The following NFIB variants were observed in gnomAD, a reference collection of about 807,000 sequenced individuals.
The protein encoded by NFIB is nuclear factor I B, also known as nuclear factor 1 B-type.
A neutral mutation model predicts 61.5 loss-of-function variants in NFIB; 11 were observed. The ratio of observed to expected loss-of-function variants is 0.18; its 90% CI spans 0.11 to 0.30. The LOEUF (loss-of-function observed/expected upper bound fraction) is 0.30. Among genes scored for constraint, NFIB ranks in the 10% least tolerant of loss-of-function variants. NFIB has a pLI of 1.00. For synonymous variants in NFIB, 260 were observed against 216.5 expected (o/e 1.20, Z -1.76); for missense variants, 471 against 608.9 (o/e 0.77, Z 2.38).
At chr9:14,417,547 G>T in the NFIB span, among the ~76,000 whole-genome samples, 17 of 152,168 alleles carry the variant, frequency 1.1e-4, no homozygotes, top group Admixed American at 2.0e-4. Flanking sequence ...TGGGCTGGAA[G>T]ACCTTCCCCT....
intron 1 of NFIB, among the ~76,000 whole-genome samples, chr9:14,394,459 G>A (rs1419960257): frequency 6.6e-6 from 1 of 152,186 alleles, no homozygotes; most frequent in Non-Finnish European, 1.5e-5. Flanking sequence ...CAAAAGAGAA[G>A]CAAAGGCATG....
At chr9:14,463,489 A>G in the NFIB span, among the ~76,000 whole-genome samples, 1 of 151,990 alleles carries the variant, frequency 6.6e-6, no homozygotes, top group Non-Finnish European at 1.5e-5. Flanking sequence ...TCTGTCACCC[A>G]TCAATGTCAG....
At chr9:14,323,038 T>G (rs2132827585) in intron 1 of NFIB, among the ~76,000 whole-genome samples, 1 of 152,354 alleles carries the variant, frequency 6.6e-6, no homozygotes, top group African/African-American at 2.4e-5. Flanking sequence ...TGCTGTTACT[T>G]CCTCACTTCC....
At position 14,211,480 on chromosome 9, in the gene NFIB, C is replaced by G. The variant is rs757036438; in HGVS notation, c.563-31700G>C. ...CTACTCACTTTAAAATGACACTGTG[C>G]TGAAAAATAATGAGAATAGATAAAA... On this transcript the variant is annotated intron_variant, in intron 2 of 10. Coordinates refer to ENST00000380953, the MANE Select transcript of NFIB (RefSeq NM_001190737.2). Among the ~76,000 whole-genome samples the G allele has an allele frequency of 8.2e-4, 125 of 152,134 alleles. 1 individual carries two copies. The highest frequency in any genetic ancestry group is 4.1e-4 in the Non-Finnish European group (28 of 68,030).
At chr9:14,282,207 C>T (rs545740322) in intron 2 of NFIB, among the ~76,000 whole-genome samples, 1 of 152,222 alleles carries the variant, frequency 6.6e-6, no homozygotes, top group South Asian at 2.1e-4. Flanking sequence ...TTTCAGTAAC[C>T]ATTCAACTAT....
chr9:14,217,754 T>C (rs1337456841), intron 2 of NFIB, among the ~76,000 whole-genome samples: 2 of 151,534 alleles, frequency 1.3e-5, no homozygotes, highest in Non-Finnish European at 2.9e-5. Context: ...CAAACACTCA[T>C]ATTGCTAATT....
chr9:14,431,188 C>A, the NFIB span, among the ~76,000 whole-genome samples: 5 of 152,028 alleles, frequency 3.3e-5, no homozygotes, highest in African/African-American at 1.2e-4. Context: ...GAAGGAAACC[C>A]AATGTCAGCA....
the NFIB span, among the ~76,000 whole-genome samples, chr9:14,425,607 A>ATTTTTTTTT: frequency 2.0e-5 from 2 of 99,048 alleles, no homozygotes; most frequent in Non-Finnish European, 4.0e-5. Flanking sequence ...TTGCTACATA[A>ATTTTTTTTT]TTTTTTTTTT....
the NFIB span, among the ~76,000 whole-genome samples, chr9:14,504,605 G>T: frequency 3.3e-5 from 5 of 152,236 alleles, no homozygotes; most frequent in South Asian, 1.0e-3. Flanking sequence ...TATTAAAGGG[G>T]TTAAGTTCTT....
intron 2 of NFIB, among the ~76,000 whole-genome samples, chr9:14,258,182 CCA>C (rs1219101871): frequency 2.6e-5 from 4 of 152,102 alleles, no homozygotes; most frequent in Non-Finnish European, 5.9e-5. Flanking sequence ...TTCAGATCTA[CCA>C]CAGTTTTATA....
intron 2 of NFIB, among the ~76,000 whole-genome samples, chr9:14,239,094 C>A (rs1346217745): frequency 6.6e-6 from 1 of 152,186 alleles, no homozygotes; most frequent in Non-Finnish European, 1.5e-5. Context: ...ATGCCCATTA[C>A]ATAGGGATTC....
At chr9:14,227,348 A>G (rs1200343188) in intron 2 of NFIB, among the ~76,000 whole-genome samples, 1 of 152,142 alleles carries the variant, frequency 6.6e-6, no homozygotes, top group African/African-American at 2.4e-5. Flanking sequence ...TGTGCTTTTC[A>G]TTTCTAGGTC....
Position 14,313,654 on chromosome 9 carries a change from C to T in NFIB, c.-143G>A. On this transcript the variant is annotated 5_prime_UTR_variant, in exon 1 of 11. Transcript: ENST00000380953. This position sits in a 1 kb window ranked among gnomAD's most constrained non-coding sequence, Gnocchi z 4.5. ...GCTCTGCGCTGGATCACCGCAACTT[C>T]ACAACAAACCCAGTCCTCCTTAAAT... 6.6e-7 allele frequency: 1 copy of T among 1,523,646 alleles called. No individual in the cohort carries two copies. Among genetic ancestry groups the T allele is most frequent in the Non-Finnish European group, 8.8e-7 (1 of 1,136,370 alleles). The allele number at this position is 1,523,646 out of a possible 1,614,324, so 94.4% of individuals were successfully genotyped here. A position where few individuals can be genotyped will look rare whatever the true frequency, so the allele number is the denominator to read the frequency against.
chr9:14,155,422 T>C (rs933971046), intron 4 of NFIB, among the ~76,000 whole-genome samples: 6 of 152,194 alleles, frequency 3.9e-5, no homozygotes, highest in African/African-American at 1.4e-4. Flanking sequence ...ATCCTGTGCA[T>C]CTCCAACCCC....
chr9:14,322,914 T>C (rs879916523), intron 1 of NFIB, among the ~76,000 whole-genome samples: 4 of 151,454 alleles, frequency 2.6e-5, no homozygotes, highest in African/African-American at 9.7e-5. Context: ...CCCGACCGTG[T>C]GTCTGCGGCG....
At chr9:14,206,618 T>C (rs896125273) in intron 2 of NFIB, among the ~76,000 whole-genome samples, 1 of 149,908 alleles carries the variant, frequency 6.7e-6, no homozygotes, top group Non-Finnish European at 1.5e-5. Flanking sequence ...CGATAAATGT[T>C]GATTGACCAT....
At chr9:14,259,181 A>G (rs2056510150) in intron 2 of NFIB, among the ~76,000 whole-genome samples, 1 of 152,190 alleles carries the variant, frequency 6.6e-6, no homozygotes, top group South Asian at 2.1e-4. Flanking sequence ...AAGTGATAAC[A>G]TTTCTTTGTT....
At chr9:14,332,511 T>C (rs2060834731) in intron 1 of NFIB, among the ~76,000 whole-genome samples, 1 of 152,132 alleles carries the variant, frequency 6.6e-6, no homozygotes, top group African/African-American at 2.4e-5. Flanking sequence ...AGCAACTGCA[T>C]GTTCATAAAT....
chr9:14,125,726 T>G lies in NFIB; in HGVS notation c.966A>C (p.Pro322=). 6.2e-7 allele frequency: 1 copy of G among 1,614,126 alleles called. No individual in the cohort carries two copies. Among genetic ancestry groups the G allele is most frequent in the South Asian group, 1.1e-5 (1 of 91,080 alleles). Residue 322 remains proline (P), a synonymous_variant, in exon 7 of 11, where the codon CCA becomes CCC. Transcript: ENST00000380953. ...CCTGTGGAGATGCAGAGCTGAACAA[T>G]GGCTTTTCAGGCTTCTTCATAGTAG... ...SPTTMKKPEK[P]LFSSASPQDS... is the part of the protein sequence containing the mutation.
Sources: gnomAD v4.1 joint callset for allele counts (sites outside exome capture counted in the v4.1 genomes callset) on GRCh38, gnomAD v4.1.1 for gene constraint, Gnocchi (gnomAD v3.1) non-coding constraint, MANE v1.5 for transcripts, NCBI Gene and HGNC (gene_info 2026-07-23, HGNC 2026-07-21) for gene names.